NCAPG2: variants seen among roughly 807,000 people sequenced by gnomAD.
NCAPG2 encodes condensin-2 complex subunit G2.
NCAPG2 carries 53 observed loss-of-function variants against 141.1 expected under a neutral mutation model. The ratio of observed to expected loss-of-function variants is 0.38; its 90% CI spans 0.30 to 0.47. NCAPG2 has a LOEUF of 0.47. NCAPG2 is among the 20% of genes least tolerant of loss of function. NCAPG2 has a pLI of 0.99. For synonymous variants in NCAPG2, 499 were observed against 490.7 expected (o/e 1.02, Z -0.22); for missense variants, 1,087 against 1,389.0 (o/e 0.78, Z 3.46).
intron 16 of NCAPG2, among the ~76,000 whole-genome samples, chr7:158,660,803 C>T (rs575992804): frequency 5.3e-5 from 8 of 152,256 alleles, no homozygotes; most frequent in Middle Eastern, 3.4e-3. Context: ...ATAATTCCCA[C>T]GTGTTACGGG....
chr7:158,646,124 T>C (rs1013546363), intron 25 of NCAPG2, among the ~76,000 whole-genome samples: 1 of 152,188 alleles, frequency 6.6e-6, no homozygotes, highest in East Asian at 1.9e-4. Flanking sequence ...GTATTTAACC[T>C]TGTCAAGTGT....
chr7:158,688,069 T>C (rs1052093788), intron 6 of NCAPG2, among the ~76,000 whole-genome samples: 10 of 152,068 alleles, frequency 6.6e-5, no homozygotes, highest in Admixed American at 5.9e-4. Context: ...TCTCAGTGAA[T>C]AGCACCTTCA....
intron 2 of NCAPG2, among the ~76,000 whole-genome samples, chr7:158,695,890 G>A (rs552198437): frequency 2.0e-5 from 3 of 152,336 alleles, no homozygotes; most frequent in Admixed American, 6.5e-5. Context: ...TGTACAGAGC[G>A]CACCAGGATG....
At chr7:158,664,468 T>C (rs1040509320) in intron 14 of NCAPG2, 60 bp downstream of exon 14, 2 of 1,571,304 alleles carry the variant, frequency 1.3e-6, no homozygotes, top group East Asian at 4.5e-5. Context: ...AACTCTGTAA[T>C]TTGTATTATG....
chr7:158,668,317 G>T lies in NCAPG2; in HGVS notation c.1479+3197C>A, dbSNP rs1380842276. 1.3e-4 allele frequency: 115 copies of T among 896,194 alleles called. 5 individuals carry two copies. Among genetic ancestry groups the T allele is most frequent in the Admixed American group, 7.0e-4 (7 of 10,010 alleles). 55.5% of individuals were successfully genotyped at this position (896,194 alleles called of 1,614,324 possible). A position where few individuals can be genotyped will look rare whatever the true frequency, so the allele number is the denominator to read the frequency against. Reference sequence around the variant, plus strand: ...CTAGGCCCTCCCTTACCCACTACTGGGTCCCTCCGCCCTCCCTTACCCACA... The same window carrying T: ...CTAGGCCCTCCCTTACCCACTACTGTGTCCCTCCGCCCTCCCTTACCCACA... On this transcript the variant is annotated intron_variant, in intron 13 of 27. Coordinates refer to ENST00000356309, the MANE Select transcript of NCAPG2 (RefSeq NM_017760.7).
Position 158,631,562 on chromosome 7 carries a change from C to T in NCAPG2, c.*104G>A, listed in dbSNP as rs982245940. The stretch of plus-strand genomic sequence containing the variant: ...TCCCACAAAAAAATCCCACCCTTTC[C>T]CTATTATATGGGTTATTAACATTAA... On this transcript the variant is annotated 3_prime_UTR_variant, in exon 28 of 28. Coordinates refer to ENST00000356309, the MANE Select transcript of NCAPG2 (RefSeq NM_017760.7). 1.8e-6 allele frequency: 2 copies of T among 1,098,178 alleles called. No individual in the cohort carries two copies. The highest frequency in any genetic ancestry group is 1.4e-6 in the Non-Finnish European group (1 of 731,810). 68.0% of individuals were successfully genotyped at this position (1,098,178 alleles called of 1,614,324 possible). A position where few individuals can be genotyped will look rare whatever the true frequency, so the allele number is the denominator to read the frequency against.
intron 12 of NCAPG2, among the ~76,000 whole-genome samples, chr7:158,673,764 G>A (rs1458934736): frequency 3.3e-5 from 5 of 152,372 alleles, no homozygotes; most frequent in South Asian, 4.1e-4. Flanking sequence ...CCGTCACAGT[G>A]CAAGAGGCGC....
At chr7:158,697,734 T>C (rs1188763281) in intron 2 of NCAPG2, among the ~76,000 whole-genome samples, 1 of 151,862 alleles carries the variant, frequency 6.6e-6, no homozygotes, top group Non-Finnish European at 1.5e-5. Flanking sequence ...ATGTGGTACA[T>C]ATACACCATG....
intron 2 of NCAPG2, among the ~76,000 whole-genome samples, chr7:158,698,321 CG>C (rs1835581514): frequency 6.6e-6 from 1 of 152,196 alleles, no homozygotes; most frequent in African/African-American, 2.4e-5. Context: ...TGTACAATGA[CG>C]TATTAGGCCT....
intron 8 of NCAPG2, among the ~76,000 whole-genome samples, chr7:158,683,888 T>C (rs6459893): frequency 0.88 from 134,650 of 152,258 alleles, 59,609 homozygotes; most frequent in Admixed American, 0.93. Flanking sequence ...TGGGAAGCCC[T>C]TCATCAGCCC....
chr7:158,666,456 T>C (rs1832943930), intron 13 of NCAPG2, among the ~76,000 whole-genome samples: 1 of 152,060 alleles, frequency 6.6e-6, no homozygotes, highest in South Asian at 2.1e-4. Context: ...ATTTACTGTA[T>C]TTTTGAAACC....
At chr7:158,647,470 T>C (rs1001631569) in intron 24 of NCAPG2, among the ~76,000 whole-genome samples, 2 of 152,238 alleles carry the variant, frequency 1.3e-5, no homozygotes, top group African/African-American at 4.8e-5. Context: ...CTCTTAATTA[T>C]CAGCCTTGTG....
chr7:158,701,906 T>A lies in NCAPG2; in HGVS notation c.-7A>T, dbSNP rs775271721. On this transcript the variant is annotated 5_prime_UTR_variant, in exon 2 of 28. Coordinates refer to ENST00000356309, the MANE Select transcript of NCAPG2 (RefSeq NM_017760.7). ...ACGTCTCACGTTTTTCCATGACAGA[T>A]GGCACTGTTCAAATGGCATTTATTT... The A allele has an allele frequency of 1.2e-6, 2 of 1,610,588 alleles. No homozygotes were observed. The highest frequency in any genetic ancestry group is 4.5e-5 in the East Asian group (2 of 44,744).
chr7:158,700,867 C>A (rs1348819581), intron 2 of NCAPG2, among the ~76,000 whole-genome samples: 2 of 152,356 alleles, frequency 1.3e-5, no homozygotes, highest in Middle Eastern at 3.4e-3. Context: ...GCCTCCAATG[C>A]TGGCTTCCTC....
At chr7:158,697,501 T>C (rs1294555172) in intron 2 of NCAPG2, among the ~76,000 whole-genome samples, 1 of 151,360 alleles carries the variant, frequency 6.6e-6, no homozygotes, top group Admixed American at 6.6e-5. Context: ...TTCAGGAGGC[T>C]GAGGCAGGAG....
chr7:158,703,247 G>C (rs1019058265), intron 1 of NCAPG2, among the ~76,000 whole-genome samples: 18 of 152,160 alleles, frequency 1.2e-4, no homozygotes, highest in Non-Finnish European at 2.6e-4. Context: ...AGGGAGAGTG[G>C]CCAGTAACAA....
intron 4 of NCAPG2, among the ~76,000 whole-genome samples, chr7:158,691,640 A>G (rs1440558362): frequency 2.6e-5 from 4 of 152,240 alleles, no homozygotes; most frequent in Admixed American, 6.5e-5. Flanking sequence ...ATCTTTTGTA[A>G]CTAAAATTTT....
At chr7:158,683,946 C>A (rs7803635) in intron 8 of NCAPG2, among the ~76,000 whole-genome samples, 82,173 of 152,116 alleles carry the variant, frequency 0.54, 22,835 homozygotes, top group Non-Finnish European at 0.6. Context: ...AAGGCCTAGC[C>A]TCTAAGAGTA....
chr7:158,689,978 T>C, intron 5 of NCAPG2, 25 bp from the exon 6 acceptor site: 1 of 1,483,106 alleles, frequency 6.7e-7, no homozygotes, highest in Non-Finnish European at 8.9e-7. Flanking sequence ...AAAAATGTGA[T>C]ACCTTTTTCA....
Sources: allele counts gnomAD v4.1 joint callset (sites outside exome capture counted in the v4.1 genomes callset), GRCh38; gene constraint gnomAD v4.1.1; transcripts MANE v1.5; gene names NCBI Gene and HGNC (gene_info 2026-07-23, HGNC 2026-07-21).